The following ZBTB4 variants were observed in gnomAD, a reference collection of about 807,000 sequenced individuals.
The protein encoded by ZBTB4 is zinc finger and BTB domain containing 4, also known as zinc finger and BTB domain-containing protein 4.
ZBTB4 carries 14 observed loss-of-function variants against 59.8 expected under a neutral mutation model. The observed-to-expected ratio is 0.23, with a 90% CI of 0.15 to 0.37. ZBTB4 has a LOEUF of 0.37. Ranked by LOEUF, ZBTB4 falls within the 10% of genes least tolerant of loss-of-function variation. The pLI is 1.00. For missense variants in ZBTB4, 1,198 were observed against 1,380.8 expected, an observed-to-expected ratio of 0.87 and a Z score of 2.10; for synonymous variants, 587 against 575.2, an observed-to-expected ratio of 1.02 and a Z score of -0.29.
intron 1 of ZBTB4, among the ~76,000 whole-genome samples, chr17:7,470,152 C>G (rs1360206148): frequency 1.3e-5 from 2 of 152,116 alleles, no homozygotes; most frequent in Non-Finnish European, 2.9e-5. Context: ...AATCCCAGCA[C>G]TTTGGAAGGC....
At position 7,466,432 on chromosome 17, in the gene ZBTB4, G is replaced by T. The variant is rs754025057; in HGVS notation, c.370C>A (p.Arg124=). The change falls in exon 3 of 4, where the codon CGG becomes AGG. Residue 124 remains arginine (R), a synonymous_variant. Transcript: ENST00000380599. This position sits in a 1 kb window ranked among gnomAD's most constrained non-coding sequence, Gnocchi z 9.1. ...PASPPASSPP[R]VLELPGVPAA... Reference sequence around the variant, plus strand: ...GGGACTCCTGGCAACTCCAGGACCCGGGGTGGGGAAGAAGCAGGGGGAGAG... The same window carrying T: ...GGGACTCCTGGCAACTCCAGGACCCTGGGTGGGGAAGAAGCAGGGGGAGAG... 6.2e-7 allele frequency: 1 copy of T among 1,613,674 alleles called. No individual in the cohort carries two copies.
intron 1 of ZBTB4, among the ~76,000 whole-genome samples, chr17:7,478,901 C>G (rs1315652307): frequency 1.3e-5 from 2 of 152,196 alleles, no homozygotes; most frequent in African/African-American, 4.8e-5. Flanking sequence ...CCCCACCACA[C>G]AGCACAAGAC....
At chr17:7,475,937 C>A (rs1434049974) in intron 1 of ZBTB4, among the ~76,000 whole-genome samples, 1 of 152,186 alleles carries the variant, frequency 6.6e-6, no homozygotes, top group Non-Finnish European at 1.5e-5. Context: ...CATAAACCAC[C>A]GCACAAGGTC....
At position 7,462,645 on chromosome 17, in the gene ZBTB4, G is replaced by C; in HGVS notation, c.2337C>G (p.Ala779=). 6.2e-7 allele frequency: 1 copy of C among 1,608,252 alleles called. No individual in the cohort carries two copies. The highest frequency in any genetic ancestry group is 8.5e-7 in the Non-Finnish European group (1 of 1,178,268). The change falls in exon 4 of 4, where the codon GCC becomes GCG. Residue 779 remains alanine, a synonymous_variant. Coordinates refer to ENST00000380599, the MANE Select transcript of ZBTB4 (RefSeq NM_001128833.2). The surrounding 1 kb of genome is among the most constrained non-coding windows in gnomAD (Gnocchi z 7.5). ...CATGCCTCTGCCCGTGGCGGCTCAG[G>C]GCAGCTGCGGTCTTGCACACCTTGG... is the stretch of plus-strand genomic sequence containing the variant. The part of the protein sequence containing the change: ...HCAKVCKTAA[A]LSRHGQRHAA...
chr17:7,477,508 G>A (rs1361571909), intron 1 of ZBTB4, among the ~76,000 whole-genome samples: 2 of 152,078 alleles, frequency 1.3e-5, no homozygotes, highest in Non-Finnish European at 2.9e-5. Flanking sequence ...CTTCCCCCAC[G>A]TACACACATC....
upstream of ZBTB4, chr17:7,482,154 T>G: frequency 6.2e-7 from 1 of 1,614,154 alleles, no homozygotes; most frequent in Non-Finnish European, 8.5e-7. Context: ...GTGGGCCCCC[T>G]TTCTCATATG....
intron 1 of ZBTB4, among the ~76,000 whole-genome samples, chr17:7,476,521 C>T (rs2070271364): frequency 6.6e-6 from 1 of 152,176 alleles, no homozygotes; most frequent in Admixed American, 6.5e-5. Flanking sequence ...AGTGTGCTCT[C>T]CAGCTTCTAC....
chr17:7,470,076 G>C (rs2070179402), intron 1 of ZBTB4, among the ~76,000 whole-genome samples: 1 of 151,822 alleles, frequency 6.6e-6, no homozygotes, highest in Non-Finnish European at 1.5e-5. Flanking sequence ...ACGAGACTCT[G>C]TCTCAAAAAA....
rs2069996464 is a variant in ZBTB4 at position 7,460,048 on chromosome 17, A to G, written c.*1892T>C. On this transcript the variant is annotated 3_prime_UTR_variant, in exon 4 of 4. Coordinates refer to ENST00000380599, the MANE Select transcript of ZBTB4 (RefSeq NM_001128833.2). ...GTAGATATATATATATGTATTCTTT[A>G]TTACGTATTTTTTTGCAGTTTTTCT... 1 of 152,104 alleles carries G rather than the reference A, an allele frequency of 6.6e-6. No individual in the cohort carries two copies. The highest frequency in any genetic ancestry group is 1.5e-5 in the Non-Finnish European group (1 of 67,920). The allele number at this position is 152,104 out of a possible 1,614,324, so 9.4% of individuals were successfully genotyped here. A position where few individuals can be genotyped will look rare whatever the true frequency, so the allele number is the denominator to read the frequency against.
chr17:7,482,500 T>A (rs1326969240), upstream of ZBTB4: 3 of 1,613,724 alleles, frequency 1.9e-6, no homozygotes, highest in Non-Finnish European at 1.7e-6. Flanking sequence ...TAATCATCAT[T>A]GTGGGACCTG....
Position 7,461,549 on chromosome 17 carries a change from T to G in ZBTB4, c.*391A>C. On this transcript the variant is annotated 3_prime_UTR_variant, in exon 4 of 4. Transcript: ENST00000380599. ...AGAGAAAGCTTCAGAACAAGGCGGG[T>G]CATTAGGTGAGAGAGATGGTTTCCC... 5.9e-6 allele frequency: 1 copy of G among 168,530 alleles called. No homozygotes were observed. Among genetic ancestry groups the G allele is most frequent in the Non-Finnish European group, 1.3e-5 (1 of 78,944 alleles). 10.4% of individuals were successfully genotyped at this position (168,530 alleles called of 1,614,324 possible). A position where few individuals can be genotyped will look rare whatever the true frequency, so the allele number is the denominator to read the frequency against.
intron 3 of ZBTB4, 69 bp from the exon 4 acceptor site, chr17:7,463,959 G>A: frequency 1.3e-6 from 2 of 1,544,908 alleles, no homozygotes; most frequent in Non-Finnish European, 1.7e-6. Flanking sequence ...AAGCCTCCCA[G>A]GTCCTCCTAC....
upstream of ZBTB4, among the ~76,000 whole-genome samples, chr17:7,479,951 C>G (rs1022867269): frequency 2.0e-5 from 3 of 151,998 alleles, no homozygotes; most frequent in African/African-American, 4.8e-5. Flanking sequence ...TGCACACTGC[C>G]TGAAAGCATA....
At chr17:7,464,365 G>A (rs1321429550) in intron 3 of ZBTB4, among the ~76,000 whole-genome samples, 1 of 146,062 alleles carries the variant, frequency 6.8e-6, no homozygotes, top group African/African-American at 2.5e-5. Context: ...AGGTGAGGTT[G>A]CAGTGAGCCA....
chr17:7,476,110 A>G (rs1409034339), intron 1 of ZBTB4, among the ~76,000 whole-genome samples: 1 of 152,124 alleles, frequency 6.6e-6, no homozygotes, highest in Non-Finnish European at 1.5e-5. Context: ...ACGTGGTCCA[A>G]GGTTATGGCC....
At position 7,459,705 on chromosome 17, in the gene ZBTB4, G is replaced by A. The variant is rs1168052115; in HGVS notation, c.*2235C>T. ...CAAATACATATATTTTAATCTCCAC[G>A]TCGCCACAATCTCATTTGTTGCCCA... On this transcript the variant is annotated 3_prime_UTR_variant, in exon 4 of 4. Transcript: ENST00000380599. 6.6e-6 allele frequency: 1 copy of A among 152,074 alleles called. No homozygotes were observed. The highest frequency in any genetic ancestry group is 1.5e-5 in the Non-Finnish European group (1 of 67,986). 9.4% of individuals were successfully genotyped at this position (152,074 alleles called of 1,614,324 possible). A position where few individuals can be genotyped will look rare whatever the true frequency, so the allele number is the denominator to read the frequency against.
Position 7,463,907 on chromosome 17 carries a change from G to T in ZBTB4, c.1092-17C>A. 1 of 1,606,176 alleles carries T rather than the reference G, an allele frequency of 6.2e-7. No homozygotes were observed. Among genetic ancestry groups the T allele is most frequent in the South Asian group, 1.1e-5 (1 of 90,014 alleles). Reference sequence around the variant, plus strand: ...CACTGGTACCTGGGTCAGGACAGCAGGGAATAGGGCAGGAACACAGGCACT... The same window carrying T: ...CACTGGTACCTGGGTCAGGACAGCATGGAATAGGGCAGGAACACAGGCACT... On this transcript the variant is annotated splice_polypyrimidine_tract_variant and intron_variant, in intron 3 of 3. Coordinates refer to ENST00000380599, the MANE Select transcript of ZBTB4 (RefSeq NM_001128833.2).
chr17:7,483,950 T>C (rs1405067572), upstream of ZBTB4: 1 of 152,168 alleles, frequency 6.6e-6, no homozygotes, highest in East Asian at 1.9e-4. Flanking sequence ...GAACTGCATA[T>C]TCATGAGCAA....
upstream of ZBTB4, chr17:7,483,444 C>T (rs572181840): frequency 3.9e-5 from 10 of 258,268 alleles, no homozygotes; most frequent in Non-Finnish European, 6.9e-5. Context: ...TTGTGCCCCC[C>T]CCTTGGGGTG....
Sources: gnomAD v4.1 joint callset for allele counts (sites outside exome capture counted in the v4.1 genomes callset) on GRCh38, gnomAD v4.1.1 for gene constraint, Gnocchi (gnomAD v3.1) non-coding constraint, MANE v1.5 for transcripts, NCBI Gene and HGNC (gene_info 2026-07-23, HGNC 2026-07-21) for gene names.